Variants in SEMA6D observed in about 807,000 individuals in gnomAD.
SEMA6D encodes the protein semaphorin 6D, also known as semaphorin-6D.
A neutral mutation model predicts 106.6 loss-of-function variants in SEMA6D; 35 were observed. The ratio of observed to expected loss-of-function variants is 0.33; its 90% confidence interval spans 0.25 to 0.44. The LOEUF (loss-of-function observed/expected upper bound fraction) is 0.44. Among genes scored for constraint, SEMA6D ranks in the 20% least tolerant of loss-of-function variants. The pLI, the probability that SEMA6D is intolerant of heterozygous loss-of-function variation, is 1.00. For missense variants in SEMA6D, 1,185 were observed against 1,345.9 expected (o/e 0.88, Z 1.87); for synonymous variants, 499 against 487.7 (o/e 1.02, Z -0.31).
intron 4 of SEMA6D, among the ~76,000 whole-genome samples, chr15:47,638,379 T>G (rs150434228): frequency 1.7e-4 from 26 of 152,334 alleles, no homozygotes; most frequent in African/African-American, 6.0e-4. Flanking sequence ...TTGTAGCATT[T>G]TGTGTATGAC....
chr15:47,703,535 C>G (rs1153825), intron 4 of SEMA6D, among the ~76,000 whole-genome samples: 62,297 of 151,950 alleles, frequency 0.41, 13,078 homozygotes, highest in African/African-American at 0.47. Flanking sequence ...AAGGAACCCA[C>G]TACGTAGCAA....
chr15:47,320,902 C>T (rs907469992), intron 1 of SEMA6D, among the ~76,000 whole-genome samples: 1 of 152,054 alleles, frequency 6.6e-6, no homozygotes, highest in Non-Finnish European at 1.5e-5. Flanking sequence ...AGTAAGTGTT[C>T]ACCTTTGTAT....
intron 1 of SEMA6D, among the ~76,000 whole-genome samples, chr15:47,240,116 A>G (rs769296945): frequency 6.6e-6 from 1 of 152,172 alleles, no homozygotes; most frequent in African/African-American, 2.4e-5. Context: ...GAGGCACACA[A>G]GTGGTCTTAC....
chr15:47,594,267 T>G (rs563280355), intron 3 of SEMA6D, among the ~76,000 whole-genome samples: 1 of 152,204 alleles, frequency 6.6e-6, no homozygotes, highest in Non-Finnish European at 1.5e-5. Flanking sequence ...TCTTTTGCCC[T>G]GGTCCCAGGT....
chr15:47,402,255 C>T (rs1263064335), intron 1 of SEMA6D, among the ~76,000 whole-genome samples: 1 of 152,172 alleles, frequency 6.6e-6, no homozygotes, highest in African/African-American at 2.4e-5. Context: ...AGAGTCAAAG[C>T]TGGAGCAGCC....
At chr15:47,619,192 C>T (rs1008575736) in intron 4 of SEMA6D, among the ~76,000 whole-genome samples, 3 of 152,232 alleles carry the variant, frequency 2.0e-5, no homozygotes, top group Non-Finnish European at 2.9e-5. Context: ...TAGACAAAAA[C>T]GACTTGCTTG....
upstream of SEMA6D, among the ~76,000 whole-genome samples, chr15:47,714,363 C>A (rs1017401843): frequency 6.6e-6 from 1 of 151,756 alleles, no homozygotes; most frequent in African/African-American, 2.4e-5. Flanking sequence ...TAGTACTTAC[C>A]TTGTAGCATT....
intron 1 of SEMA6D, among the ~76,000 whole-genome samples, chr15:47,758,839 C>T (rs1879601805): frequency 6.6e-6 from 1 of 152,182 alleles, no homozygotes; most frequent in Admixed American, 6.5e-5. Flanking sequence ...TGAGTCTGGA[C>T]TCCAATCTTG....
At chr15:47,571,872 TTCA>T (rs2046394269) in intron 3 of SEMA6D, among the ~76,000 whole-genome samples, 2 of 152,206 alleles carry the variant, frequency 1.3e-5, no homozygotes, top group African/African-American at 4.8e-5. Context: ...CATCCTTTAG[TTCA>T]TCATTACCTG....
intron 4 of SEMA6D, among the ~76,000 whole-genome samples, chr15:47,601,247 T>G (rs2076651805): frequency 6.6e-6 from 1 of 152,120 alleles, no homozygotes; most frequent in Non-Finnish European, 1.5e-5. Flanking sequence ...TGACAGGGCC[T>G]TGCACCTCTC....
intron 3 of SEMA6D, among the ~76,000 whole-genome samples, chr15:47,497,419 C>T (rs1220348753): frequency 6.6e-6 from 1 of 152,014 alleles, no homozygotes; most frequent in Non-Finnish European, 1.5e-5. Flanking sequence ...CTTGGCTCCC[C>T]TTCAGTCATC....
chr15:47,472,621 A>C (rs1402892930), intron 3 of SEMA6D, among the ~76,000 whole-genome samples: 1 of 152,140 alleles, frequency 6.6e-6, no homozygotes, highest in East Asian at 1.9e-4. Flanking sequence ...GTGTATCTTA[A>C]TTTCTTCTGA....
chr15:47,653,824 C>T lies in SEMA6D; in HGVS notation c.-55+52928C>T, dbSNP rs76772966. ...ACAGAAGGCATGCTTGTCATATCCACGAATGAACGAATGGAAAATTAATCA... is the reference window on the plus strand; with the variant it reads ...ACAGAAGGCATGCTTGTCATATCCATGAATGAACGAATGGAAAATTAATCA... On this transcript the variant is annotated intron_variant, in intron 4 of 19. Transcript: ENST00000558014. Among the ~76,000 whole-genome samples, 788 of 152,278 alleles carry T rather than the reference C, an allele frequency of 5.2e-3. 12 individuals are homozygous for T. Among genetic ancestry groups the T allele is most frequent in the African/African-American group, 0.018 (745 of 41,552 alleles).
intron 11 of SEMA6D, 101 bp from the exon 12 acceptor site, chr15:47,764,537 C>G (rs1191190291): frequency 1.3e-6 from 2 of 1,510,066 alleles, no homozygotes; most frequent in Non-Finnish European, 1.8e-6. Flanking sequence ...TCTCCTTCCT[C>G]ACTTGACCTC....
At chr15:47,646,026 T>C (rs996206574) in intron 4 of SEMA6D, among the ~76,000 whole-genome samples, 4 of 152,104 alleles carry the variant, frequency 2.6e-5, no homozygotes, top group Non-Finnish European at 2.9e-5. Flanking sequence ...TCCTACCCCA[T>C]CTTTCTGGGT....
At position 47,556,303 on chromosome 15, in the gene SEMA6D, C is replaced by A. The variant is rs538491919; in HGVS notation, c.-86-44562C>A. The stretch of plus-strand genomic sequence containing the variant: ...ACTCCTTTCCGATTCCCCGTATGCA[C>A]CCATAATTTTTCTAGTTGTAATCAT... On this transcript the variant is annotated intron_variant, in intron 3 of 19. Transcript: ENST00000558014. Among the ~76,000 whole-genome samples, 4 of 152,178 alleles carry A rather than the reference C, an allele frequency of 2.6e-5. No individual in the cohort carries two copies. In the South Asian group the frequency reaches 8.3e-4, roughly 32 times the overall value.
At chr15:47,767,178 G>T (rs183297063) in intron 17 of SEMA6D, 85 bp downstream of exon 17, 5 of 824,920 alleles carry the variant, frequency 6.1e-6, no homozygotes, top group African/African-American at 3.6e-5. Flanking sequence ...CTCCTTTTGC[G>T]CAGTTTGGCA....
intron 3 of SEMA6D, among the ~76,000 whole-genome samples, chr15:47,502,287 G>A (rs1311884463): frequency 6.6e-6 from 1 of 152,166 alleles, no homozygotes; most frequent in African/African-American, 2.4e-5. Flanking sequence ...ACAAGGGTTT[G>A]ATTAAATGCC....
chr15:47,214,624 G>T (rs1034913531), intron 1 of SEMA6D, among the ~76,000 whole-genome samples: 2 of 152,130 alleles, frequency 1.3e-5, no homozygotes, highest in Non-Finnish European at 2.9e-5. Context: ...GAAGAAAATT[G>T]TTATGCCACG....
Sources: allele counts gnomAD v4.1 joint callset (sites outside exome capture counted in the v4.1 genomes callset), GRCh38; gene constraint gnomAD v4.1.1; transcripts MANE v1.5; gene names NCBI Gene and HGNC (gene_info 2026-07-23, HGNC 2026-07-21).